Variants in NCALD observed in about 807,000 individuals in gnomAD.
NCALD encodes neurocalcin-delta.
In NCALD, 10 loss-of-function variants were observed where a neutral mutation model predicts 18.6. The observed-to-expected ratio is 0.54, with a 90% CI of 0.33 to 0.91. The LOEUF (loss-of-function observed/expected upper bound fraction) is 0.91. Among genes scored for constraint, NCALD ranks in the 40% least tolerant of loss-of-function variants. The pLI, the probability that NCALD is intolerant of heterozygous loss-of-function variation, is 0.03. For synonymous variants in NCALD, 88 were observed against 87.4 expected (o/e 1.01, Z -0.04); for missense variants, 184 against 247.6 (o/e 0.74, Z 1.72).
At chr8:101,731,410 T>C (rs945853322) in intron 1 of NCALD, among the ~76,000 whole-genome samples, 5 of 152,174 alleles carry the variant, frequency 3.3e-5, no homozygotes, top group African/African-American at 1.2e-4. Flanking sequence ...AATTCTCCAA[T>C]AAGCCAGTTT....
intron 1 of NCALD, among the ~76,000 whole-genome samples, chr8:101,783,237 G>A (rs926160214): frequency 4.6e-5 from 7 of 152,144 alleles, no homozygotes; most frequent in Non-Finnish European, 7.4e-5. Context: ...ATTAGGATGG[G>A]GTGAAGTTTA....
intron 2 of NCALD, among the ~76,000 whole-genome samples, chr8:101,919,301 T>C (rs987661541): frequency 2.6e-5 from 4 of 152,148 alleles, no homozygotes; most frequent in Non-Finnish European, 5.9e-5. Flanking sequence ...ATTCAAAAAA[T>C]GGTGCTCAGA....
chr8:102,002,481 T>C (rs1821514188), intron 2 of NCALD, among the ~76,000 whole-genome samples: 1 of 152,038 alleles, frequency 6.6e-6, no homozygotes, highest in Non-Finnish European at 1.5e-5. Context: ...GACAGAAAGT[T>C]AACAAGGATA....
intron 4 of NCALD, among the ~76,000 whole-genome samples, chr8:101,863,390 T>C (rs1280595839): frequency 6.6e-6 from 1 of 152,234 alleles, no homozygotes; most frequent in Non-Finnish European, 1.5e-5. Context: ...TTGCTTTCAA[T>C]TTTTAAAAAA....
In NCALD at chr8:101,719,494, C is replaced by T; in HGVS notation, c.136G>A (p.Glu46Lys). ...TTCCCATATATTTTCTTAAACTCTT[C>T]CATTGACAAATGTCCACTGGGGCAG... The part of the protein sequence containing the change: ...RDCPSGHLSM[E>K]EFKKIYGNFF... Residue 46 changes from glutamate to lysine, a missense_variant, in exon 2 of 4, where the codon GAA becomes AAA. By Grantham distance (56) the Glu-to-Lys change is moderately conservative. Coordinates refer to ENST00000220931, the MANE Select transcript of NCALD (RefSeq NM_032041.3). 1 of 1,614,222 alleles carries T rather than the reference C, an allele frequency of 6.2e-7. No individual in the cohort carries two copies. Among genetic ancestry groups the T allele is most frequent in the Non-Finnish European group, 8.5e-7 (1 of 1,180,030 alleles).
intron 1 of NCALD, among the ~76,000 whole-genome samples, chr8:101,725,822 T>C (rs1271844162): frequency 1.3e-5 from 2 of 151,980 alleles, no homozygotes; most frequent in Non-Finnish European, 2.9e-5. Context: ...CTAGTGGCAA[T>C]AGACACACAA....
At position 102,119,050 on chromosome 8, in the gene NCALD, A is replaced by G. The variant is rs556281665; in HGVS notation, c.-210+5187T>C. Among the ~76,000 whole-genome samples the G allele has an allele frequency of 2.6e-5, 4 of 152,302 alleles. No individual in the cohort carries two copies. The South Asian group carries it at 8.3e-4, about 32-fold the overall frequency. The stretch of plus-strand genomic sequence containing the variant: ...AACTTAAACACAGAATTGCCATATA[A>G]CTCAGCATTTCCACTTCTGGGTATA... On this transcript the variant is annotated intron_variant, in intron 1 of 6. Transcript: ENST00000311028.
chr8:101,744,075 C>T (rs944815257), intron 1 of NCALD, among the ~76,000 whole-genome samples: 2 of 152,194 alleles, frequency 1.3e-5, no homozygotes, highest in African/African-American at 2.4e-5. Flanking sequence ...AAAGACAGAT[C>T]GACAGATCAA....
At chr8:101,693,967 G>A (rs1814867328) in intron 2 of NCALD, 1 of 151,686 alleles carries the variant, frequency 6.6e-6, no homozygotes, top group African/African-American at 2.4e-5. Context: ...ATGGGCGAAA[G>A]AGGATTCTGT....
In NCALD at chr8:101,697,374, G is replaced by A. The variant is rs62519274; in HGVS notation, c.379-4478C>T. ...CAAATTCTACCAGAGATACAAAGGG[G>A]AGCTGGTACGATTCCTTCTGAAACT... On this transcript the variant is annotated intron_variant, in intron 2 of 3. Transcript: ENST00000220931. 5.1e-3 allele frequency among the ~76,000 whole-genome samples: 776 copies of A among 152,270 alleles called. 9 individuals are homozygous for A. Among genetic ancestry groups the A allele is most frequent in the South Asian group, 0.039 (189 of 4,824 alleles).
intron 2 of NCALD, among the ~76,000 whole-genome samples, chr8:101,993,976 T>C (rs1821144581): frequency 6.6e-6 from 1 of 152,242 alleles, no homozygotes. Context: ...TTCCAGACTC[T>C]GGACTGATGA....
intron 1 of NCALD, among the ~76,000 whole-genome samples, chr8:102,022,590 T>C (rs1276741855): frequency 6.6e-6 from 1 of 152,166 alleles, no homozygotes; most frequent in East Asian, 1.9e-4. Context: ...CCTTTTCTTT[T>C]CAGAAACAGG....
At chr8:102,030,058 C>T (rs976427815) in intron 1 of NCALD, among the ~76,000 whole-genome samples, 3 of 152,080 alleles carry the variant, frequency 2.0e-5, no homozygotes, top group Admixed American at 6.5e-5. Flanking sequence ...CAGATCTTTC[C>T]GGAAAAGGTG....
intron 2 of NCALD, among the ~76,000 whole-genome samples, chr8:102,001,600 G>A (rs1212021667): frequency 1.3e-5 from 2 of 152,144 alleles, no homozygotes; most frequent in African/African-American, 2.4e-5. Flanking sequence ...TGAAATGATG[G>A]AAAAAATGTT....
intron 1 of NCALD, among the ~76,000 whole-genome samples, chr8:101,733,324 A>G (rs1816927520): frequency 6.6e-6 from 1 of 152,196 alleles, no homozygotes; most frequent in South Asian, 2.1e-4. Context: ...GTGTGTAGAA[A>G]GAGAATTGGA....
At chr8:101,879,865 A>G (rs1293089507) in intron 4 of NCALD, among the ~76,000 whole-genome samples, 3 of 152,156 alleles carry the variant, frequency 2.0e-5, no homozygotes, top group African/African-American at 7.2e-5. Context: ...CTCCAACTAG[A>G]CATAAAAGTC....
At position 101,688,404 on chromosome 8, in the gene NCALD, A is replaced by G; in HGVS notation, c.*905T>C. 1 of 269,980 alleles carries G rather than the reference A, an allele frequency of 3.7e-6. No homozygotes were observed. 16.7% of individuals were successfully genotyped at this position (269,980 alleles called of 1,614,324 possible). ...TCGATTGGTACATTTGTGCAAAGAC[A>G]GATATGACTTCCAAACAAGACAGAC... is the stretch of plus-strand genomic sequence containing the variant. On this transcript the variant is annotated 3_prime_UTR_variant, in exon 4 of 4. Coordinates refer to ENST00000220931, the MANE Select transcript of NCALD (RefSeq NM_032041.3).
rs111988859 is a variant in NCALD at position 101,996,109 on chromosome 8, T to C, written c.-157+24128A>G. Reference sequence around the variant, plus strand: ...CATACCAAGGGCTTGGCATGGTGCCTGGTACTAAGCAGGCATTCAGTAAAT... The same window carrying C: ...CATACCAAGGGCTTGGCATGGTGCCCGGTACTAAGCAGGCATTCAGTAAAT... On this transcript the variant is annotated intron_variant, in intron 2 of 6. Transcript: ENST00000311028. Among the ~76,000 whole-genome samples the C allele has an allele frequency of 4.0e-3, 611 of 152,336 alleles. 3 individuals are homozygous for C. Among genetic ancestry groups the C allele is most frequent in the African/African-American group, 0.013 (557 of 41,588 alleles).
chr8:102,076,149 G>GTATAAA (rs1824339982), intron 1 of NCALD, among the ~76,000 whole-genome samples: 4 of 151,740 alleles, frequency 2.6e-5, no homozygotes, highest in Non-Finnish European at 4.4e-5. Context: ...AGACCAAAAA[G>GTATAAA]GAATAAAAAA....
Sources: allele counts gnomAD v4.1 joint callset (sites outside exome capture counted in the v4.1 genomes callset), GRCh38; gene constraint gnomAD v4.1.1; transcripts MANE v1.5; gene names NCBI Gene and HGNC (gene_info 2026-07-23, HGNC 2026-07-21).